The following CACNG2 variants were observed in gnomAD, a reference collection of about 807,000 sequenced individuals.
CACNG2 encodes the protein calcium voltage-gated channel auxiliary subunit gamma 2, also known as voltage-dependent calcium channel gamma-2 subunit.
A neutral mutation model predicts 25.9 loss-of-function variants in CACNG2; 3 were observed. The ratio of observed to expected loss-of-function variants is 0.12; its 90% CI spans 0.05 to 0.30. CACNG2 has a LOEUF of 0.30. CACNG2 is among the 10% of genes least tolerant of loss of function. CACNG2 has a pLI of 1.00. For synonymous variants in CACNG2, 167 were observed against 173.3 expected, an observed-to-expected ratio of 0.96 and a Z score of 0.29; for missense variants, 341 against 432.5, an observed-to-expected ratio of 0.79 and a Z score of 1.88.
intron 2 of CACNG2, among the ~76,000 whole-genome samples, chr22:36,581,615 C>T (rs1935420464): frequency 6.6e-6 from 1 of 152,202 alleles, no homozygotes; most frequent in South Asian, 2.1e-4. Context: ...CCAGACACCT[C>T]ATTGGCCACT....
chr22:36,666,438 A>G (rs1442183384), intron 1 of CACNG2, among the ~76,000 whole-genome samples: 1 of 152,050 alleles, frequency 6.6e-6, no homozygotes, highest in Admixed American at 6.5e-5. Flanking sequence ...TAAATACTGT[A>G]TGATTCAACT....
rs574155756 is a variant in CACNG2, at chr22:36,575,409, C to T, written c.296-8916G>A. On this transcript the variant is annotated intron_variant, in intron 2 of 3. Transcript: ENST00000300105. ...TGGGCCCCAGCCTCTCTGGCCATCA[C>T]GCTGTGACATGGTGCTTCATGGTGG... Among the ~76,000 whole-genome samples the T allele has an allele frequency of 5.3e-5, 8 of 152,152 alleles. No homozygotes were observed. The South Asian group carries it at 6.2e-4, about 12-fold the overall frequency.
chr22:36,638,011 G>T (rs1936383392), intron 1 of CACNG2, among the ~76,000 whole-genome samples: 1 of 149,858 alleles, frequency 6.7e-6, no homozygotes, highest in African/African-American at 2.5e-5. Flanking sequence ...AACAGAGTGA[G>T]AATCCATCTC....
Position 36,562,584 on chromosome 22 carries a change from G to A in CACNG2, c.*1767C>T, listed in dbSNP as rs1935046890. The A allele has an allele frequency of 6.6e-6, 1 of 152,170 alleles. No homozygotes were observed. The highest frequency in any genetic ancestry group is 1.9e-4 in the East Asian group (1 of 5,188). 9.4% of individuals were successfully genotyped at this position (152,170 alleles called of 1,614,324 possible). A position where few individuals can be genotyped will look rare whatever the true frequency, so the allele number is the denominator to read the frequency against. ...ACACAAAGGCCAGTGTGGAGTTGTT[G>A]TCGTCCATGGCTTTGGAGGGCATGA... On this transcript the variant is annotated 3_prime_UTR_variant, in exon 4 of 4. Transcript: ENST00000300105.
chr22:36,584,532 C>A (rs543316225), intron 2 of CACNG2: 79 of 152,348 alleles, frequency 5.2e-4, no homozygotes, highest in African/African-American at 1.9e-3. Context: ...TAGGATGTAA[C>A]CTTCACGAAG....
chr22:36,623,983 G>T (rs1936145763), intron 1 of CACNG2, among the ~76,000 whole-genome samples: 1 of 152,094 alleles, frequency 6.6e-6, no homozygotes, highest in Admixed American at 6.5e-5. Flanking sequence ...TTCTTGAAGG[G>T]CCTTTTGGCT....
At chr22:36,604,789 A>AT (rs916356427) in intron 1 of CACNG2, among the ~76,000 whole-genome samples, 1 of 152,222 alleles carries the variant, frequency 6.6e-6, no homozygotes, top group African/African-American at 2.4e-5. Context: ...CATAACATAT[A>AT]TTTTTTGAGA....
At chr22:36,668,724 G>A (rs539551335) in intron 1 of CACNG2, among the ~76,000 whole-genome samples, 2 of 152,214 alleles carry the variant, frequency 1.3e-5, no homozygotes, top group African/African-American at 4.8e-5. Flanking sequence ...TCGAACTCCT[G>A]AGCTCAAGCG....
chr22:36,654,533 C>T (rs1405825273), intron 1 of CACNG2, among the ~76,000 whole-genome samples: 2 of 152,030 alleles, frequency 1.3e-5, no homozygotes, highest in African/African-American at 4.8e-5. Flanking sequence ...TGCACAGCCT[C>T]TTTAGTAGTT....
rs1274016093 is a variant in CACNG2 at position 36,564,191 on chromosome 22, TTGTG to T, written c.*156_*159del. On this transcript the variant is annotated 3_prime_UTR_variant, in exon 4 of 4. Transcript: ENST00000300105. This position sits in a 1 kb window ranked among gnomAD's most constrained non-coding sequence, Gnocchi z 6.7. The stretch of plus-strand genomic sequence containing the variant: ...TACTTGTTATGTTTTTTCTCTTTTT[TTGTG>T]TGTGTGTGTTTTTTTGTTTTTTGTT... 1.8e-5 allele frequency: 10 copies of T among 564,504 alleles called. No individual in the cohort carries two copies. The highest frequency in any genetic ancestry group is 3.0e-5 in the East Asian group (1 of 32,938). The allele number at this position is 564,504 out of a possible 1,614,324, so 35.0% of individuals were successfully genotyped here.
chr22:36,679,919 C>T (rs1937075076), intron 1 of CACNG2, among the ~76,000 whole-genome samples: 1 of 152,062 alleles, frequency 6.6e-6, no homozygotes, highest in Admixed American at 6.6e-5. Context: ...GTTATCATCA[C>T]AAGCACCATC....
rs1260485985 is a variant in CACNG2, at chr22:36,623,012, G to GTT, written c.212-35466_212-35465dup. On this transcript the variant is annotated intron_variant, in intron 1 of 3. Coordinates refer to ENST00000300105, the MANE Select transcript of CACNG2 (RefSeq NM_006078.5). ...TTCTCATTCAGTCTTCAAAACATGG[G>GTT]TTTTTTTTTTTTTTTTTTTTTTTTG... Among the ~76,000 whole-genome samples the GTT allele has an allele frequency of 9.4e-3, 429 of 45,558 alleles. 2 individuals carry two copies. Among genetic ancestry groups the GTT allele is most frequent in the Middle Eastern group, 0.023 (1 of 44 alleles). 29.9% of individuals were successfully genotyped at this position (45,558 alleles called of 152,430 possible). A position where few individuals can be genotyped will look rare whatever the true frequency, so the allele number is the denominator to read the frequency against.
At chr22:36,594,902 G>T (rs1569023880) in intron 1 of CACNG2, among the ~76,000 whole-genome samples, 1 of 151,696 alleles carries the variant, frequency 6.6e-6, no homozygotes, top group Non-Finnish European at 1.5e-5. Flanking sequence ...ACATGGGTGT[G>T]TGTGTGCATG....
intron 1 of CACNG2, among the ~76,000 whole-genome samples, chr22:36,647,522 G>A (rs531501398): frequency 1.1e-3 from 171 of 152,250 alleles, no homozygotes; most frequent in African/African-American, 3.8e-3. Context: ...CTTGAACCCA[G>A]GAGGTGGAGG....
intron 1 of CACNG2, among the ~76,000 whole-genome samples, chr22:36,630,244 G>C (rs1354371365): frequency 6.6e-6 from 1 of 152,210 alleles, no homozygotes; most frequent in Non-Finnish European, 1.5e-5. Context: ...TATTGTGGCA[G>C]ACCCAGTGGG....
At chr22:36,684,576 A>G (rs1320442098) in intron 1 of CACNG2, among the ~76,000 whole-genome samples, 4 of 146,736 alleles carry the variant, frequency 2.7e-5, no homozygotes, top group Non-Finnish European at 5.9e-5. Context: ...AGATTGTGCC[A>G]CTGCCCTCCA....
At chr22:36,610,784 G>A (rs1260102761) in intron 1 of CACNG2, among the ~76,000 whole-genome samples, 6 of 152,204 alleles carry the variant, frequency 3.9e-5, no homozygotes, top group African/African-American at 1.4e-4. Context: ...AGGTCAGGGA[G>A]GCTGAGTTGG....
At chr22:36,581,862 A>T (rs1231166049) in intron 2 of CACNG2, among the ~76,000 whole-genome samples, 1 of 152,128 alleles carries the variant, frequency 6.6e-6, no homozygotes, top group Non-Finnish European at 1.5e-5. Context: ...AGCCCGTGAC[A>T]TTGTCCCAGG....
chr22:36,679,235 T>TTTCTTTCTTTCTTTCC, intron 1 of CACNG2, among the ~76,000 whole-genome samples: 2 of 148,582 alleles, frequency 1.3e-5, no homozygotes, highest in African/African-American at 5.0e-5. Context: ...TCTTTCCTTC[T>TTTCTTTCTTTCTTTCC]TTCTTTCTTT....
Sources: gnomAD v4.1 joint callset for allele counts (sites outside exome capture counted in the v4.1 genomes callset) on GRCh38, gnomAD v4.1.1 for gene constraint, Gnocchi (gnomAD v3.1) non-coding constraint, MANE v1.5 for transcripts, NCBI Gene and HGNC (gene_info 2026-07-23, HGNC 2026-07-21) for gene names.